PTPRG: variants seen among roughly 807,000 people sequenced by gnomAD.
The protein encoded by PTPRG is receptor-type tyrosine-protein phosphatase gamma.
A neutral mutation model predicts 165.3 loss-of-function variants in PTPRG; 102 were observed. The observed-to-expected ratio is 0.62, with a 90% CI of 0.53 to 0.73. The LOEUF is 0.73. Ranked by LOEUF, PTPRG falls within the 30% of genes least tolerant of loss-of-function variation. The pLI is 0.00. For missense variants in PTPRG, 1,866 were observed against 1,861.4 expected, an observed-to-expected ratio of 1.00 and a Z score of -0.05; for synonymous variants, 675 against 669.5, an observed-to-expected ratio of 1.01 and a Z score of -0.13.
At chr3:61,584,482 A>G (rs1700385432) in intron 1 of PTPRG, among the ~76,000 whole-genome samples, 1 of 152,102 alleles carries the variant, frequency 6.6e-6, no homozygotes, top group African/African-American at 2.4e-5. Context: ...CAAGTGTTAC[A>G]ACTTAAAATC....
At chr3:62,063,440 T>G (rs1700888850) in intron 4 of PTPRG, among the ~76,000 whole-genome samples, 2 of 152,226 alleles carry the variant, frequency 1.3e-5, no homozygotes, top group South Asian at 4.1e-4. Flanking sequence ...GGCAGCCTTG[T>G]TTTGCTCTCT....
intron 8 of PTPRG, among the ~76,000 whole-genome samples, chr3:62,173,658 C>T (rs1189573289): frequency 1.3e-5 from 2 of 152,196 alleles, no homozygotes; most frequent in East Asian, 1.9e-4. Context: ...GGTAACCACC[C>T]ACTTACACTT....
chr3:62,269,304 T>C (rs1028004721), intron 20 of PTPRG, 135 bp downstream of exon 20: 1 of 934,378 alleles, frequency 1.1e-6, no homozygotes, highest in Non-Finnish European at 1.5e-6. Flanking sequence ...TTCATAACTC[T>C]TTTGATTGAC....
chr3:62,015,303 C>T (rs967019379), intron 4 of PTPRG, among the ~76,000 whole-genome samples: 6 of 152,104 alleles, frequency 3.9e-5, no homozygotes, highest in African/African-American at 1.4e-4. Flanking sequence ...GAACCCGGGG[C>T]TGCTGAAACA....
intron 2 of PTPRG, among the ~76,000 whole-genome samples, chr3:61,840,749 G>A (rs1575710457): frequency 6.8e-6 from 1 of 146,950 alleles, no homozygotes; most frequent in African/African-American, 2.5e-5. Context: ...ATAGGATACA[G>A]AAAATTTCAG....
intron 1 of PTPRG, among the ~76,000 whole-genome samples, chr3:61,643,390 A>G (rs1051448854): frequency 6.6e-6 from 1 of 152,184 alleles, no homozygotes; most frequent in Admixed American, 6.5e-5. Context: ...AAATCTGGGC[A>G]TTTGGAGATT....
intron 2 of PTPRG, among the ~76,000 whole-genome samples, chr3:61,775,437 A>G (rs1018173716): frequency 1.3e-5 from 2 of 152,220 alleles, no homozygotes; most frequent in African/African-American, 4.8e-5. Flanking sequence ...TTGCAATGCA[A>G]CATGGCCTGC....
At chr3:62,062,908 C>A (rs1179981140) in intron 4 of PTPRG, among the ~76,000 whole-genome samples, 1 of 152,196 alleles carries the variant, frequency 6.6e-6, no homozygotes, top group Non-Finnish European at 1.5e-5. Flanking sequence ...CCCGTCTCAG[C>A]CTCCCAGAGT....
chr3:61,985,486 T>C (rs2040737018), intron 2 of PTPRG, among the ~76,000 whole-genome samples: 1 of 152,228 alleles, frequency 6.6e-6, no homozygotes, highest in African/African-American at 2.4e-5. Flanking sequence ...TTGATAATGC[T>C]CTAAGCACAT....
intron 13 of PTPRG, among the ~76,000 whole-genome samples, chr3:62,220,570 C>T (rs772157091): frequency 1.4e-4 from 21 of 152,144 alleles, no homozygotes; most frequent in African/African-American, 4.3e-4. Context: ...CAGGTTTCCT[C>T]GGGCGTCTGA....
In PTPRG at chr3:61,887,123, C is replaced by CATATATATATATATATAT. The variant is rs148352398; in HGVS notation, c.191-102471_191-102454dup. On this transcript the variant is annotated intron_variant, in intron 2 of 29. Transcript: ENST00000474889. ...ATTTTTAAAGTATAACCATAGCATG[C>CATATATATATATATATAT]ATATATATATATATATATATATATA... Among the ~76,000 whole-genome samples, 53 of 85,916 alleles carry CATATATATATATATATAT rather than the reference C, an allele frequency of 6.2e-4. 3 individuals are homozygous for CATATATATATATATATAT. Among genetic ancestry groups the CATATATATATATATATAT allele is most frequent in the East Asian group, 8.6e-4 (1 of 1,158 alleles). The allele number at this position is 85,916 out of a possible 152,430, so 56.4% of individuals were successfully genotyped here. A position where few individuals can be genotyped will look rare whatever the true frequency, so the allele number is the denominator to read the frequency against.
intron 2 of PTPRG, among the ~76,000 whole-genome samples, chr3:61,962,801 T>A (rs773166339): frequency 1.2e-4 from 18 of 152,320 alleles, no homozygotes; most frequent in Non-Finnish European, 2.2e-4. Flanking sequence ...AGATAAGATC[T>A]GTGTTTTTAC....
intron 5 of PTPRG, among the ~76,000 whole-genome samples, chr3:62,080,374 C>T (rs1575977078): frequency 6.6e-6 from 1 of 152,206 alleles, no homozygotes; most frequent in South Asian, 2.1e-4. Flanking sequence ...CTGCGCCCAG[C>T]CCCCTTCTGT....
intron 17 of PTPRG, 38 bp downstream of exon 17, chr3:62,262,932 A>T (rs781447049): frequency 6.7e-7 from 1 of 1,489,952 alleles, no homozygotes; most frequent in East Asian, 2.3e-5. Context: ...AACTGCGAGG[A>T]AATTAAATTT....
intron 1 of PTPRG, among the ~76,000 whole-genome samples, chr3:61,566,544 G>C (rs1172637135): frequency 1.3e-5 from 2 of 152,166 alleles, no homozygotes; most frequent in African/African-American, 4.8e-5. Context: ...GTCTCACTCT[G>C]TCACCCAGGC....
At chr3:61,948,763 C>G (rs913542657) in intron 2 of PTPRG, among the ~76,000 whole-genome samples, 1 of 152,068 alleles carries the variant, frequency 6.6e-6, no homozygotes, top group Non-Finnish European at 1.5e-5. Flanking sequence ...GTGTAAAGAG[C>G]CTTTTTGTTA....
intron 2 of PTPRG, among the ~76,000 whole-genome samples, chr3:61,976,085 C>T (rs1199078637): frequency 6.6e-6 from 1 of 152,142 alleles, no homozygotes; most frequent in Non-Finnish European, 1.5e-5. Context: ...TGCTGGAAAA[C>T]ATTACTACAT....
At chr3:61,600,617 G>A (rs1309601980) in intron 1 of PTPRG, among the ~76,000 whole-genome samples, 3 of 152,134 alleles carry the variant, frequency 2.0e-5, no homozygotes, top group Non-Finnish European at 1.5e-5. Context: ...ACAGCCCACT[G>A]CAGCCTTAAT....
intron 1 of PTPRG, among the ~76,000 whole-genome samples, chr3:61,595,324 A>G (rs1189299171): frequency 6.6e-6 from 1 of 151,848 alleles, no homozygotes; most frequent in African/African-American, 2.4e-5. Flanking sequence ...ATCTGATTAT[A>G]TAGTGTTACG....
Sources: allele counts gnomAD v4.1 joint callset (sites outside exome capture counted in the v4.1 genomes callset), GRCh38; gene constraint gnomAD v4.1.1; transcripts MANE v1.5; gene names NCBI Gene and HGNC (gene_info 2026-07-23, HGNC 2026-07-21).